Variants in PIP4K2A observed in about 807,000 individuals in gnomAD.
The protein encoded by PIP4K2A is phosphatidylinositol 5-phosphate 4-kinase type-2 alpha.
A neutral mutation model predicts 42.9 loss-of-function variants in PIP4K2A; 14 were observed. The ratio of observed to expected loss-of-function variants is 0.33; its 90% CI spans 0.22 to 0.51. The LOEUF is 0.51. PIP4K2A is among the 20% of genes least tolerant of loss of function. PIP4K2A has a pLI of 0.97. For synonymous variants in PIP4K2A, 192 were observed against 192.2 expected (o/e 1.00, Z 0.01); for missense variants, 434 against 519.8 (o/e 0.83, Z 1.61).
chr10:22,701,904 C>G lies in PIP4K2A; in HGVS notation c.144+12279G>C, dbSNP rs1277804616. ...GGAACAGAAGACAAAGACTAGGGCC[C>G]ACCCAAGGTGTGAAGTCTAATAGGA... On this transcript the variant is annotated intron_variant, in intron 1 of 9. Transcript: ENST00000376573. 2.0e-5 allele frequency among the ~76,000 whole-genome samples: 3 copies of G among 152,302 alleles called. No individual in the cohort carries two copies. The East Asian group carries it at 5.8e-4, about 29-fold the overall frequency.
At chr10:22,708,161 C>T (rs1833854137) in intron 1 of PIP4K2A, among the ~76,000 whole-genome samples, 1 of 152,122 alleles carries the variant, frequency 6.6e-6, no homozygotes, top group East Asian at 1.9e-4. Context: ...TTCTACTTAC[C>T]TTCCAAAAAA....
intron 1 of PIP4K2A, among the ~76,000 whole-genome samples, chr10:22,665,633 A>G (rs1839333108): frequency 6.7e-6 from 1 of 149,674 alleles, no homozygotes; most frequent in Non-Finnish European, 1.5e-5. Flanking sequence ...TTTTTAAGAA[A>G]AAAGTAATGG....
At chr10:22,596,741 A>T (rs768021898) in intron 3 of PIP4K2A, among the ~76,000 whole-genome samples, 2 of 152,230 alleles carry the variant, frequency 1.3e-5, no homozygotes, top group Non-Finnish European at 2.9e-5. Context: ...CTTGGAGATG[A>T]TTCCAAACCA....
chr10:22,539,894 A>AGG (rs1836050444), intron 9 of PIP4K2A, 77 bp downstream of exon 9: 29 of 620,458 alleles, frequency 4.7e-5, no homozygotes, highest in Non-Finnish European at 7.6e-5. Context: ...CAGGAGAGAG[A>AGG]GAGAGAGAGA....
chr10:22,559,153 T>A (rs575337984), intron 6 of PIP4K2A, among the ~76,000 whole-genome samples: 1 of 152,318 alleles, frequency 6.6e-6, no homozygotes, highest in East Asian at 1.9e-4. Context: ...TCAAGGAGTT[T>A]GCTAACTCCT....
At chr10:22,570,525 T>G (rs1387969727) in intron 5 of PIP4K2A, among the ~76,000 whole-genome samples, 1 of 152,170 alleles carries the variant, frequency 6.6e-6, no homozygotes, top group Non-Finnish European at 1.5e-5. Flanking sequence ...GCGAAGACTT[T>G]AAGACAGGAC....
intron 1 of PIP4K2A, among the ~76,000 whole-genome samples, chr10:22,690,751 A>G (rs936606107): frequency 6.6e-5 from 10 of 152,244 alleles, no homozygotes; most frequent in African/African-American, 2.4e-4. Flanking sequence ...GAGATAAGTA[A>G]TCATGCAAGG....
intron 1 of PIP4K2A, among the ~76,000 whole-genome samples, chr10:22,642,992 G>C (rs1838811603): frequency 6.6e-6 from 1 of 152,118 alleles, no homozygotes; most frequent in Non-Finnish European, 1.5e-5. Context: ...CTGAATATGA[G>C]ACCTGGGATT....
chr10:22,564,145 T>C (rs1836778329), intron 6 of PIP4K2A, among the ~76,000 whole-genome samples: 1 of 152,218 alleles, frequency 6.6e-6, no homozygotes. Flanking sequence ...TTAAGTCCTA[T>C]AGGTGCAACA....
intron 3 of PIP4K2A, among the ~76,000 whole-genome samples, chr10:22,607,189 A>G (rs1837923989): frequency 6.6e-6 from 1 of 152,256 alleles, no homozygotes; most frequent in Admixed American, 6.5e-5. Context: ...CTGGCTCGCT[A>G]TATGAAACTT....
At chr10:22,661,256 C>T (rs1839199274) in intron 1 of PIP4K2A, among the ~76,000 whole-genome samples, 1 of 151,716 alleles carries the variant, frequency 6.6e-6, no homozygotes, top group Admixed American at 6.6e-5. Context: ...ATGGAGTTTT[C>T]TCATGAAAGC....
chr10:22,631,498 C>G (rs1838547202), intron 1 of PIP4K2A, among the ~76,000 whole-genome samples: 1 of 152,116 alleles, frequency 6.6e-6, no homozygotes, highest in South Asian at 2.1e-4. Flanking sequence ...CTGTCAGAAC[C>G]CTGATCTTGA....
At chr10:22,646,939 AAAACAAAACAAAACAAAAC>A (rs1175559750) in intron 1 of PIP4K2A, among the ~76,000 whole-genome samples, 25 of 83,716 alleles carry the variant, frequency 3.0e-4, no homozygotes, top group Admixed American at 7.8e-4. Context: ...AACAAAAAAC[AAAACAAAACAAAACAAAAC>A]AAAAAAAAAC....
chr10:22,601,161 A>ACC, intron 3 of PIP4K2A, among the ~76,000 whole-genome samples: 1 of 92,366 alleles, frequency 1.1e-5, no homozygotes, highest in African/African-American at 3.6e-5. Flanking sequence ...AAAAAAAAAA[A>ACC]AACAAACCAG....
intron 1 of PIP4K2A, among the ~76,000 whole-genome samples, chr10:22,668,983 G>GT (rs1474857830): frequency 6.6e-6 from 1 of 152,052 alleles, no homozygotes; most frequent in Non-Finnish European, 1.5e-5. Flanking sequence ...AACACTCCTG[G>GT]TTTTAATACT....
intron 1 of PIP4K2A, among the ~76,000 whole-genome samples, chr10:22,673,858 G>A (rs1436698825): frequency 6.6e-6 from 1 of 152,100 alleles, no homozygotes; most frequent in Non-Finnish European, 1.5e-5. Flanking sequence ...GTAATACACT[G>A]GATGGCACTC....
At chr10:22,701,578 A>T (rs185600823) in intron 1 of PIP4K2A, among the ~76,000 whole-genome samples, 162 of 152,272 alleles carry the variant, frequency 1.1e-3, no homozygotes, top group African/African-American at 3.8e-3. Flanking sequence ...AAGGCTGCAG[A>T]AGTGCCACCA....
intron 1 of PIP4K2A, among the ~76,000 whole-genome samples, chr10:22,655,344 G>C (rs1839079113): frequency 6.6e-6 from 1 of 152,218 alleles, no homozygotes; most frequent in Admixed American, 6.5e-5. Context: ...GAGATCTTCA[G>C]AGCTGGAGCC....
intron 4 of PIP4K2A, among the ~76,000 whole-genome samples, chr10:22,581,751 T>C (rs1460177641): frequency 2.6e-5 from 4 of 152,130 alleles, no homozygotes; most frequent in Admixed American, 2.6e-4. Context: ...GCTTTTTACA[T>C]TTTTCTCATC....
Sources: allele counts gnomAD v4.1 joint callset (sites outside exome capture counted in the v4.1 genomes callset), GRCh38; gene constraint gnomAD v4.1.1; transcripts MANE v1.5; gene names NCBI Gene and HGNC (gene_info 2026-07-23, HGNC 2026-07-21).